TMEM198: variants seen among roughly 807,000 people sequenced by gnomAD.
The protein encoded by TMEM198 is transmembrane protein 198.
A neutral mutation model predicts 31.5 loss-of-function variants in TMEM198; 21 were observed. That is an observed-to-expected ratio of 0.67 (90% CI 0.47 to 0.96). The LOEUF (loss-of-function observed/expected upper bound fraction) is 0.96. Among genes scored for constraint, TMEM198 ranks in the 40% least tolerant of loss-of-function variants. The probability of loss-of-function intolerance (pLI) is 0.00; values close to 1 mark genes in which losing one functional copy is unlikely to be tolerated. For missense variants in TMEM198, 447 were observed against 499.4 expected (o/e 0.89, Z 1.00); for synonymous variants, 211 against 223.3 (o/e 0.95, Z 0.49).
intron 1 of TMEM198, 27 bp from the exon 2 acceptor site, chr2:219,544,662 C>A: frequency 6.3e-7 from 1 of 1,588,394 alleles, no homozygotes; most frequent in South Asian, 1.1e-5. Flanking sequence ...CAGGACTCCT[C>A]CGTGACCCCA....
rs758371326 is a variant in TMEM198 at position 219,549,738 on chromosome 2, G to C, written c.967G>C (p.Asp323His). ...ACAGAGCTATATCCAGAGCTTCCGA[G>C]ACCGGCAGACCGGGAGCTCCCTGAG... ...LSPSYIQSFR[D>H]RQTGSSLSSF... The change falls in exon 5 of 5, where the codon GAC (aspartate) becomes CAC (histidine). Residue 323 changes from aspartate to histidine, a missense_variant. Transcript: ENST00000373883. 4.0e-5 allele frequency: 64 copies of C among 1,613,884 alleles called. No homozygotes were observed. The highest frequency in any genetic ancestry group is 5.2e-5 in the Non-Finnish European group (61 of 1,180,002).
Position 219,550,282 on chromosome 2 carries a change from C to T in TMEM198, c.*428C>T, listed in dbSNP as rs1168360012. 2 of 186,358 alleles carry T rather than the reference C, an allele frequency of 1.1e-5. No individual in the cohort carries two copies. The highest frequency in any genetic ancestry group is 2.2e-5 in the Non-Finnish European group (2 of 89,308). The allele number at this position is 186,358 out of a possible 1,614,324, so 11.5% of individuals were successfully genotyped here. A position where few individuals can be genotyped will look rare whatever the true frequency, so the allele number is the denominator to read the frequency against. On this transcript the variant is annotated 3_prime_UTR_variant, in exon 5 of 5. Transcript: ENST00000373883. The stretch of plus-strand genomic sequence containing the variant: ...ATGTCTCCGCGGAGGGGCTACCTTC[C>T]TTCCCATCGCCCTGCCTCGCAGCCA...
chr2:219,543,781 G>A (rs1413275123), upstream of TMEM198: 2 of 457,646 alleles, frequency 4.4e-6, no homozygotes, highest in Non-Finnish European at 3.8e-6. Context: ...AGCCTCAGCC[G>A]CGGCCGCAGC....
intron 1 of TMEM198, 56 bp from the exon 2 acceptor site, chr2:219,544,633 C>G: frequency 6.8e-7 from 1 of 1,466,682 alleles, no homozygotes; most frequent in Non-Finnish European, 9.4e-7. Flanking sequence ...CCTCTCCCAC[C>G]CCCATCCTGG....
chr2:219,546,635 T>C (rs1695392698), intron 2 of TMEM198, among the ~76,000 whole-genome samples: 1 of 152,158 alleles, frequency 6.6e-6, no homozygotes, highest in Admixed American at 6.5e-5. Context: ...AACCTACAAA[T>C]ACCTCATTTT....
At position 219,550,267 on chromosome 2, in the gene TMEM198, G is replaced by A. The variant is rs1045885661; in HGVS notation, c.*413G>A. ...TGGGCCACCTCCTGCATGTCTCCGC[G>A]GAGGGGCTACCTTCCTTCCCATCGC... On this transcript the variant is annotated 3_prime_UTR_variant, in exon 5 of 5. Coordinates refer to ENST00000373883, the MANE Select transcript of TMEM198 (RefSeq NM_001005209.3). 1.7e-4 allele frequency: 32 copies of A among 192,772 alleles called. No homozygotes were observed. The highest frequency in any genetic ancestry group is 7.0e-4 in the African/African-American group (30 of 42,986). 11.9% of individuals were successfully genotyped at this position (192,772 alleles called of 1,614,324 possible). A position where few individuals can be genotyped will look rare whatever the true frequency, so the allele number is the denominator to read the frequency against.
At position 219,544,767 on chromosome 2, in the gene TMEM198, C is replaced by T; in HGVS notation, c.40C>T (p.Pro14Ser). Residue 14 changes from proline (P) to serine (S), a missense_variant, in exon 2 of 5, where the codon CCC (proline) becomes TCC (serine). By Grantham distance (74) the Pro-to-Ser change is moderately conservative (BLOSUM62 -1). Coordinates refer to ENST00000373883, the MANE Select transcript of TMEM198 (RefSeq NM_001005209.3). Reference sequence around the variant, plus strand: ...GGCAACACTGCGGTTCCAGCTGCTGCCCCCTGAGCCAGATGATGCCTTCTG... The same window carrying T: ...GGCAACACTGCGGTTCCAGCTGCTGTCCCCTGAGCCAGATGATGCCTTCTG... The part of the protein sequence containing the change: ...TVATLRFQLL[P>S]PEPDDAFWGA... The T allele has an allele frequency of 6.2e-7, 1 of 1,614,152 alleles. No individual in the cohort carries two copies.
At position 219,547,989 on chromosome 2, in the gene TMEM198, G is replaced by A; in HGVS notation, c.650G>A (p.Ser217Asn). Residue 217 changes from serine (S) to asparagine (N), a missense_variant, in exon 3 of 5, where the codon AGC becomes AAC. Physicochemically the swap from Ser to Asn is conservative, Grantham distance 46. Transcript: ENST00000373883. ...AAPVPPLCWRSWALLALWPLL... is the reference protein window; with the variant it reads ...AAPVPPLCWRNWALLALWPLL... ...CCTGTGCCCCCACTCTGCTGGCGAAGCTGGGCCCTGCTGGCACTCTGGCCC... is the reference window on the plus strand; with the variant it reads ...CCTGTGCCCCCACTCTGCTGGCGAAACTGGGCCCTGCTGGCACTCTGGCCC... The A allele has an allele frequency of 6.3e-7, 1 of 1,586,122 alleles. No homozygotes were observed.
rs1341749240 is a variant in TMEM198, at chr2:219,549,390, G to A, written c.945+36G>A. The A allele has an allele frequency of 3.1e-6, 5 of 1,589,302 alleles. No homozygotes were observed. The African/African-American group carries it at 4.1e-5, about 13-fold the overall frequency. On this transcript the variant is annotated intron_variant, in intron 4 of 4. Transcript: ENST00000373883. ...TGAGCCCATCCAGCCAGAATGAGAAGGAAGTGTGGAAACTCTTTCCAAACA... is the reference window on the plus strand; with the variant it reads ...TGAGCCCATCCAGCCAGAATGAGAAAGAAGTGTGGAAACTCTTTCCAAACA...
rs1260732411 is a variant in TMEM198, at chr2:219,544,704, T to C, written c.-24T>C. ...CCTCTGTCAGGTTAACTTGGGAGGGTGACTCCCTTCTATTCCCAGCACTAT... is the reference window on the plus strand; with the variant it reads ...CCTCTGTCAGGTTAACTTGGGAGGGCGACTCCCTTCTATTCCCAGCACTAT... On this transcript the variant is annotated 5_prime_UTR_variant, in exon 2 of 5. An upstream open reading frame in the 5' UTR loses its in-frame stop. Transcript: ENST00000373883. 1.9e-6 allele frequency: 3 copies of C among 1,605,200 alleles called. No individual in the cohort carries two copies. Among genetic ancestry groups the C allele is most frequent in the Non-Finnish European group, 2.6e-6 (3 of 1,174,162 alleles).
In TMEM198 at chr2:219,549,847, G is replaced by A. The variant is rs374243531; in HGVS notation, c.1076G>A (p.Arg359Gln). 2.9e-5 allele frequency: 47 copies of A among 1,613,844 alleles called. No homozygotes were observed. The highest frequency in any genetic ancestry group is 9.3e-5 in the African/African-American group (7 of 74,906). ...PLTACSGPPV[R>Q]V The stretch of plus-strand genomic sequence containing the variant: ...ACAGCCTGCTCAGGCCCCCCAGTGC[G>A]GGTATAGCCATATCTGTCTGTCTAG... Residue 359 changes from arginine (R) to glutamine (Q), a missense_variant, in exon 5 of 5, where the codon CGG (arginine) becomes CAG (glutamine). Transcript: ENST00000373883.
rs1559129199 is a variant in TMEM198, at chr2:219,549,883, C to T, written c.*29C>T. The T allele has an allele frequency of 6.3e-7, 1 of 1,597,734 alleles. No individual in the cohort carries two copies. Among genetic ancestry groups the T allele is most frequent in the Admixed American group, 1.7e-5 (1 of 59,394 alleles). ...TATCTGTCTGTCTAGACTCTGCAGT[C>T]ACCAGCTCTGCCAGCTCGAGGAGGC... is the stretch of plus-strand genomic sequence containing the variant. On this transcript the variant is annotated 3_prime_UTR_variant, in exon 5 of 5. Transcript: ENST00000373883.
rs548504820 is a variant in TMEM198 at position 219,550,063 on chromosome 2, C to G, written c.*209C>G. 3.2e-6 allele frequency: 2 copies of G among 634,174 alleles called. No homozygotes were observed. Among genetic ancestry groups the G allele is most frequent in the East Asian group, 5.6e-5 (2 of 35,560 alleles). 39.3% of individuals were successfully genotyped at this position (634,174 alleles called of 1,614,324 possible). ...GCTCCCAAGAGGCTCCTGAGGAACT[C>G]GGGGTGTGAACCCCATTGGGGTGTG... On this transcript the variant is annotated 3_prime_UTR_variant, in exon 5 of 5. Coordinates refer to ENST00000373883, the MANE Select transcript of TMEM198 (RefSeq NM_001005209.3).
chr2:219,547,108 C>T (rs1220806660), intron 2 of TMEM198: 3 of 168,736 alleles, frequency 1.8e-5, no homozygotes, highest in African/African-American at 7.1e-5. Context: ...GTGAGCAATC[C>T]CTTCTCAAAG....
rs778657887 is a variant in TMEM198 at position 219,547,744 on chromosome 2, G to A, written c.405G>A (p.Leu135=). The change falls in exon 3 of 5, where the codon CTG becomes CTA. Residue 135 remains leucine (L), a synonymous_variant. Coordinates refer to ENST00000373883, the MANE Select transcript of TMEM198 (RefSeq NM_001005209.3). ...TGCTGCTCGCAGCTGCTGCCCTGCT[G>A]GGCTCCGCACCCTACTACCAGCCAG... The part of the protein sequence containing the change: ...LGLLLAAAAL[L]GSAPYYQPGS... 4.4e-6 allele frequency: 7 copies of A among 1,593,038 alleles called. No individual in the cohort carries two copies. The highest frequency in any genetic ancestry group is 2.2e-5 in the East Asian group (1 of 44,684).
At chr2:219,546,778 C>CTT (rs397987890) in intron 2 of TMEM198, among the ~76,000 whole-genome samples, 28,621 of 127,192 alleles carry the variant, frequency 0.23, 4,144 homozygotes, top group East Asian at 0.28. Flanking sequence ...TCTCAAGTTT[C>CTT]TTTTTTTTTT....
rs903462664 is a variant in TMEM198, at chr2:219,544,753, G to A, written c.26G>A (p.Arg9Gln). Residue 9 changes from arginine (R) to glutamine (Q), a missense_variant, in exon 2 of 5, where the codon CGG (arginine) becomes CAG (glutamine). Arg to Gln is a conservative substitution (Grantham distance 43). Transcript: ENST00000373883. ...ATGCCGGGGACTGTGGCAACACTGCGGTTCCAGCTGCTGCCCCCTGAGCCA... is the reference window on the plus strand; with the variant it reads ...ATGCCGGGGACTGTGGCAACACTGCAGTTCCAGCTGCTGCCCCCTGAGCCA... The part of the protein sequence containing the change: MPGTVATL[R>Q]FQLLPPEPDD... 10 of 1,613,938 alleles carry A rather than the reference G, an allele frequency of 6.2e-6. No homozygotes were observed. Among genetic ancestry groups the A allele is most frequent in the Non-Finnish European group, 7.6e-6 (9 of 1,180,036 alleles).
rs770324589 is a variant in TMEM198, at chr2:219,548,038, G to T, written c.699G>T (p.Leu233=). Residue 233 remains leucine, a synonymous_variant, in exon 3 of 5, where the codon CTG becomes CTT. Transcript: ENST00000373883. ...LWPLLSLMGV[L]VQWRVTAEGD... Reference sequence around the variant, plus strand: ...CCCTGCTCAGCCTGATGGGCGTTCTGGTGCAGTGGAGGGTGACAGCTGAGG... The same window carrying T: ...CCCTGCTCAGCCTGATGGGCGTTCTTGTGCAGTGGAGGGTGACAGCTGAGG... 1.1e-5 allele frequency: 17 copies of T among 1,585,376 alleles called. No homozygotes were observed. The highest frequency in any genetic ancestry group is 1.4e-5 in the Non-Finnish European group (16 of 1,168,490).
chr2:219,549,629 A>C (rs1033460811), intron 4 of TMEM198, 88 bp from the exon 5 acceptor site: 1 of 1,572,810 alleles, frequency 6.4e-7, no homozygotes, highest in Non-Finnish European at 8.7e-7. Context: ...AGTCTATAGA[A>C]GTGTCAGGCT....
Sources: gnomAD v4.1 joint callset for allele counts (sites outside exome capture counted in the v4.1 genomes callset) on GRCh38, gnomAD v4.1.1 for gene constraint, MANE v1.5 for transcripts, NCBI Gene and HGNC (gene_info 2026-07-23, HGNC 2026-07-21) for gene names.